The following EML1 variants were observed in gnomAD, a reference collection of about 807,000 sequenced individuals.
EML1 encodes the protein EMAP like 1.
A neutral mutation model predicts 110.4 loss-of-function variants in EML1; 27 were observed. That is an observed-to-expected ratio of 0.24 (90% CI 0.18 to 0.34). The LOEUF (loss-of-function observed/expected upper bound fraction) is 0.34, where lower values mean the gene tolerates loss of function less well. Among genes scored for constraint, EML1 ranks in the 10% least tolerant of loss-of-function variants. EML1 has a pLI of 1.00. For synonymous variants in EML1, 344 were observed against 385.8 expected (o/e 0.89, Z 1.27); for missense variants, 741 against 1,030.9 (o/e 0.72, Z 3.85).
chr14:99,780,152 C>T (rs1331098119), intron 1 of EML1, among the ~76,000 whole-genome samples: 1 of 152,172 alleles, frequency 6.6e-6, no homozygotes. Flanking sequence ...CTAATCCTAA[C>T]AGATCAGGGC....
chr14:99,783,383 G>T, intron 1 of EML1, among the ~76,000 whole-genome samples: 1 of 151,822 alleles, frequency 6.6e-6, no homozygotes, highest in African/African-American at 2.4e-5. Flanking sequence ...TCTTAATCCA[G>T]TCTATCATTG....
chr14:99,756,559 A>C (rs1548271), intron 1 of EML1, among the ~76,000 whole-genome samples: 113,604 of 152,098 alleles, frequency 0.75, 43,029 homozygotes, highest in Admixed American at 0.82. Context: ...GTTTGGAGCC[A>C]TATGACAGTC....
intron 1 of EML1, among the ~76,000 whole-genome samples, chr14:99,804,532 T>C (rs1421257722): frequency 6.6e-6 from 1 of 152,228 alleles, no homozygotes; most frequent in East Asian, 1.9e-4. Flanking sequence ...GTTTCAGAGC[T>C]GGGGTTTGAA....
At chr14:99,858,540 A>G (rs979293638) in intron 2 of EML1, among the ~76,000 whole-genome samples, 23 of 152,194 alleles carry the variant, frequency 1.5e-4, no homozygotes, top group African/African-American at 5.3e-4. Context: ...GCCACAGTGT[A>G]TTCAACCAGT....
At chr14:99,786,611 G>T (rs1379405187) in intron 1 of EML1, among the ~76,000 whole-genome samples, 1 of 152,202 alleles carries the variant, frequency 6.6e-6, no homozygotes, top group Non-Finnish European at 1.5e-5. Flanking sequence ...GAGGACTAGG[G>T]CACAGCACTG....
chr14:99,906,591 A>C (rs546290172), intron 9 of EML1, among the ~76,000 whole-genome samples: 1 of 152,296 alleles, frequency 6.6e-6, no homozygotes, highest in African/African-American at 2.4e-5. Flanking sequence ...TTTTATCAGC[A>C]AGATCTTTAT....
intron 1 of EML1, among the ~76,000 whole-genome samples, chr14:99,783,326 A>AT (rs1320088188): frequency 6.6e-6 from 1 of 151,706 alleles, no homozygotes; most frequent in African/African-American, 2.4e-5. Flanking sequence ...TGAACTCATC[A>AT]TTTTTTATGG....
intron 7 of EML1, among the ~76,000 whole-genome samples, 160 bp from the exon 8 acceptor site, chr14:99,898,073 T>C (rs2059700771): frequency 1.3e-5 from 2 of 152,232 alleles, no homozygotes; most frequent in Non-Finnish European, 2.9e-5. Flanking sequence ...AGGTACTAGT[T>C]GTCTAACGTC....
chr14:99,765,074 A>T (rs532976854), intron 1 of EML1, among the ~76,000 whole-genome samples: 42 of 152,038 alleles, frequency 2.8e-4, no homozygotes, highest in Middle Eastern at 3.4e-3. Flanking sequence ...AGTAGCCAGG[A>T]CCACAGGCGA....
chr14:99,843,377 C>G (rs771439501), intron 1 of EML1, among the ~76,000 whole-genome samples: 1 of 152,166 alleles, frequency 6.6e-6, no homozygotes, highest in Non-Finnish European at 1.5e-5. Context: ...TGAGACAGCA[C>G]ATAGGAATTT....
At chr14:99,888,668 T>C (rs1226070749) in intron 4 of EML1, among the ~76,000 whole-genome samples, 3 of 152,212 alleles carry the variant, frequency 2.0e-5, no homozygotes, top group Non-Finnish European at 4.4e-5. Flanking sequence ...AATTCAGGTA[T>C]CTACAGTATC....
At chr14:99,754,358 C>T (rs1221502020) in intron 1 of EML1, among the ~76,000 whole-genome samples, 2 of 152,198 alleles carry the variant, frequency 1.3e-5, no homozygotes, top group Non-Finnish European at 2.9e-5. Flanking sequence ...CTCCCCTGCC[C>T]CCTGCCTCCC....
At chr14:99,882,696 C>G (rs1379542315) in intron 4 of EML1, among the ~76,000 whole-genome samples, 2 of 148,228 alleles carry the variant, frequency 1.3e-5, no homozygotes, top group Non-Finnish European at 3.0e-5. Flanking sequence ...AAAAAAATCT[C>G]ATGTTTAAGA....
intron 1 of EML1, among the ~76,000 whole-genome samples, chr14:99,766,383 A>G (rs2057369751): frequency 6.6e-6 from 1 of 151,804 alleles, no homozygotes; most frequent in African/African-American, 2.4e-5. Flanking sequence ...TAGTAGAGAC[A>G]GGGTTTCACT....
chr14:99,901,158 G>T, intron 9 of EML1, 119 bp downstream of exon 9: 1 of 825,098 alleles, frequency 1.2e-6, no homozygotes, highest in South Asian at 1.6e-5. Flanking sequence ...TACAGATTTG[G>T]ACTCTGAAAC....
At chr14:99,863,381 A>C (rs919725535) in intron 2 of EML1, among the ~76,000 whole-genome samples, 1 of 152,086 alleles carries the variant, frequency 6.6e-6, no homozygotes, top group African/African-American at 2.4e-5. Flanking sequence ...TTTTACTTGC[A>C]TACTTCAAGG....
At chr14:99,872,065 CTG>C (rs1265399504) in intron 3 of EML1, among the ~76,000 whole-genome samples, 2 of 152,188 alleles carry the variant, frequency 1.3e-5, no homozygotes, top group Non-Finnish European at 2.9e-5. Context: ...CCCATCCTGT[CTG>C]TGTACTATTT....
rs117867397 is a variant in EML1, at chr14:99,817,051, G to A, written c.67+23508G>A. Among the ~76,000 whole-genome samples, 1,353 of 152,292 alleles carry A rather than the reference G, an allele frequency of 8.9e-3. 13 individuals are homozygous for A. The highest frequency in any genetic ancestry group is 0.014 in the Admixed American group (219 of 15,304). On this transcript the variant is annotated intron_variant, in intron 1 of 21. Coordinates refer to ENST00000262233, the MANE Select transcript of EML1 (RefSeq NM_004434.3). Reference sequence around the variant, plus strand: ...ATCAAAACAGCATGTAGGTGTTGGGGAGCTGTCAGGCTTACAGAGGCTGGT... The same window carrying A: ...ATCAAAACAGCATGTAGGTGTTGGGAAGCTGTCAGGCTTACAGAGGCTGGT...
intron 1 of EML1, among the ~76,000 whole-genome samples, chr14:99,776,828 A>G (rs1002495867): frequency 6.6e-6 from 1 of 152,226 alleles, no homozygotes; most frequent in African/African-American, 2.4e-5. Flanking sequence ...GAAGACATAG[A>G]TTACATATTC....
Sources: gnomAD v4.1 joint callset for allele counts (sites outside exome capture counted in the v4.1 genomes callset) on GRCh38, gnomAD v4.1.1 for gene constraint, MANE v1.5 for transcripts, NCBI Gene and HGNC (gene_info 2026-07-23, HGNC 2026-07-21) for gene names.